Variants in EFNA2 observed in about 807,000 individuals in gnomAD.
EFNA2 encodes ephrin-A2.
EFNA2 carries 18 observed loss-of-function variants against 19.7 expected under a neutral mutation model. The observed-to-expected ratio is 0.91, with a 90% CI of 0.63 to 1.35. The LOEUF (loss-of-function observed/expected upper bound fraction) is 1.35. Ranked by LOEUF, EFNA2 falls within the 40% of genes most tolerant of loss-of-function variation. The pLI, the probability that EFNA2 is intolerant of heterozygous loss-of-function variation, is 0.00. For missense variants in EFNA2, 303 were observed against 296.0 expected, an observed-to-expected ratio of 1.02 and a Z score of -0.17; for synonymous variants, 187 against 137.8, an observed-to-expected ratio of 1.36 and a Z score of -2.50.
chr19:1,295,428 C>G lies in EFNA2; in HGVS notation c.141-117C>G. ...GTGCTCCTGACCCCGGCCCTCGCCG[C>G]GCACCCCGACCCGTCCCTCGTGCTC... On this transcript the variant is annotated intron_variant, in intron 1 of 3. Transcript: ENST00000215368. The surrounding 1 kb of genome is among the most constrained non-coding windows in gnomAD (Gnocchi z 5.8). 8.9e-7 allele frequency: 1 copy of G among 1,118,074 alleles called. No individual in the cohort carries two copies. Among genetic ancestry groups the G allele is most frequent in the South Asian group, 1.8e-5 (1 of 56,612 alleles). The allele number at this position is 1,118,074 out of a possible 1,614,324, so 69.3% of individuals were successfully genotyped here.
rs2081504737 is a variant in EFNA2 at position 1,294,381 on chromosome 19, G to A, written c.141-1164G>A. On this transcript the variant is annotated intron_variant, in intron 1 of 3. Coordinates refer to ENST00000215368, the MANE Select transcript of EFNA2 (RefSeq NM_001405.4). This position sits in a 1 kb window ranked among gnomAD's most constrained non-coding sequence, Gnocchi z 5.8. The stretch of plus-strand genomic sequence containing the variant: ...TCTCTATCCTCACAGACGAGGCTGG[G>A]TCAGGGGGCTCCCTGGAGGAAGGGG... Among the ~76,000 whole-genome samples, 1 of 152,210 alleles carries A rather than the reference G, an allele frequency of 6.6e-6. No individual in the cohort carries two copies. The highest frequency in any genetic ancestry group is 1.5e-5 in the Non-Finnish European group (1 of 68,032).
At chr19:1,289,592 T>C (rs1285249157) in intron 1 of EFNA2, among the ~76,000 whole-genome samples, 1 of 152,134 alleles carries the variant, frequency 6.6e-6, no homozygotes, top group Non-Finnish European at 1.5e-5. Flanking sequence ...ACCTTCTGAT[T>C]GGAAATCTGC....
At chr19:1,290,587 C>T (rs970627877) in intron 1 of EFNA2, among the ~76,000 whole-genome samples, 13 of 152,142 alleles carry the variant, frequency 8.5e-5, no homozygotes, top group African/African-American at 2.9e-4. Context: ...CGGTGGTCTC[C>T]TTGTCATCCA....
rs1568868343 is a variant in EFNA2, at chr19:1,295,954, G to A, written c.454+96G>A. ...GCGGGACCACTGGGGTGGGGCCGGG[G>A]AGTGGGCGGGGCAGCGCAGTGGGCG... On this transcript the variant is annotated intron_variant, in intron 2 of 3. Transcript: ENST00000215368. This position sits in a 1 kb window ranked among gnomAD's most constrained non-coding sequence, Gnocchi z 5.8. The A allele has an allele frequency of 7.6e-6, 8 of 1,051,678 alleles. No homozygotes were observed. Among genetic ancestry groups the A allele is most frequent in the Non-Finnish European group, 1.0e-5 (8 of 782,392 alleles). The allele number at this position is 1,051,678 out of a possible 1,614,324, so 65.1% of individuals were successfully genotyped here. A position where few individuals can be genotyped will look rare whatever the true frequency, so the allele number is the denominator to read the frequency against.
In EFNA2 at chr19:1,301,198, C is replaced by T. The variant is rs2081541667; in HGVS notation, c.*1253C>T. On this transcript the variant is annotated 3_prime_UTR_variant, in exon 4 of 4. Coordinates refer to ENST00000215368, the MANE Select transcript of EFNA2 (RefSeq NM_001405.4). ...ATACGGATTTCATATTTCTACCCGC[C>T]TTTCCTGACTCTGTGTTTTATATAT... Among the ~76,000 whole-genome samples, 1 of 149,338 alleles carries T rather than the reference C, an allele frequency of 6.7e-6. No individual in the cohort carries two copies. The highest frequency in any genetic ancestry group is 2.1e-4 in the South Asian group (1 of 4,798).
chr19:1,299,796 C>CT (rs1478667799), intron 3 of EFNA2, 28 bp from the exon 4 acceptor site: 5 of 1,580,400 alleles, frequency 3.2e-6, no homozygotes, highest in Non-Finnish European at 4.3e-6. Flanking sequence ...CGGGCGGCCG[C>CT]TGAGCGTGCT....
In EFNA2 at chr19:1,294,265, C is replaced by T. The variant is rs1330066668; in HGVS notation, c.141-1280C>T. On this transcript the variant is annotated intron_variant, in intron 1 of 3. Transcript: ENST00000215368. This position sits in a 1 kb window ranked among gnomAD's most constrained non-coding sequence, Gnocchi z 5.8. ...GGCCGCCGGTTACATGACAGGGGCC[C>T]TGGGGACCACAGCCGGGAGATCTAA... 6.6e-6 allele frequency among the ~76,000 whole-genome samples: 1 copy of T among 152,224 alleles called. No individual in the cohort carries two copies. The highest frequency in any genetic ancestry group is 1.5e-5 in the Non-Finnish European group (1 of 68,028).
In EFNA2 at chr19:1,296,245, C is replaced by T. The variant is rs1778163905; in HGVS notation, c.454+387C>T. On this transcript the variant is annotated intron_variant, in intron 2 of 3. Coordinates refer to ENST00000215368, the MANE Select transcript of EFNA2 (RefSeq NM_001405.4). The surrounding 1 kb of genome is among the most constrained non-coding windows in gnomAD (Gnocchi z 4.4). ...GCTGCACTATTGTGATCTCGGGCCT[C>T]CAGCTCAGACCACTTGGTGGTTGGG... Among the ~76,000 whole-genome samples the T allele has an allele frequency of 6.6e-6, 1 of 152,178 alleles. No homozygotes were observed. The highest frequency in any genetic ancestry group is 2.1e-4 in the South Asian group (1 of 4,830).
rs1355972081 is a variant in EFNA2, at chr19:1,299,953, C to T, written c.*8C>T. On this transcript the variant is annotated 3_prime_UTR_variant, in exon 4 of 4. Coordinates refer to ENST00000215368, the MANE Select transcript of EFNA2 (RefSeq NM_001405.4). Reference sequence around the variant, plus strand: ...ACCCTCCTGGGTTCCTAGTCCCAGCCCCGCAGGACGCCGACCCTGCCTGGA... The same window carrying T: ...ACCCTCCTGGGTTCCTAGTCCCAGCTCCGCAGGACGCCGACCCTGCCTGGA... 1.3e-6 allele frequency: 2 copies of T among 1,596,650 alleles called. No individual in the cohort carries two copies. The highest frequency in any genetic ancestry group is 1.1e-5 in the South Asian group (1 of 90,208).
rs2081508754 is a variant in EFNA2 at position 1,295,328 on chromosome 19, C to T, written c.141-217C>T. On this transcript the variant is annotated intron_variant, in intron 1 of 3. Coordinates refer to ENST00000215368, the MANE Select transcript of EFNA2 (RefSeq NM_001405.4). This position sits in a 1 kb window ranked among gnomAD's most constrained non-coding sequence, Gnocchi z 5.8. ...CACCTGTCCCCGGAGCCATCTCTCC[C>T]CGCGCACACTGACCCGTGCCCCATG... 1.3e-5 allele frequency among the ~76,000 whole-genome samples: 2 copies of T among 151,898 alleles called. No homozygotes were observed. The highest frequency in any genetic ancestry group is 6.5e-5 in the Admixed American group (1 of 15,272).
intron 1 of EFNA2, among the ~76,000 whole-genome samples, chr19:1,293,482 C>G (rs2081500711): frequency 6.7e-6 from 1 of 150,020 alleles, no homozygotes; most frequent in South Asian, 2.1e-4. Flanking sequence ...GGACCATCCC[C>G]TTGCACGGAG....
In EFNA2 at chr19:1,295,982, G is replaced by T. The variant is rs910322233; in HGVS notation, c.454+124G>T. ...TGGGCGGGGCAGCGCAGTGGGCGGG[G>T]CCGCGGTGTGGGGCCAGGGGGGAGT... On this transcript the variant is annotated intron_variant, in intron 2 of 3. Transcript: ENST00000215368. The surrounding 1 kb of genome is among the most constrained non-coding windows in gnomAD (Gnocchi z 5.8). 2.9e-5 allele frequency: 20 copies of T among 695,036 alleles called. No homozygotes were observed. In the Admixed American group the frequency reaches 3.3e-4, roughly 11 times the overall value. The allele number at this position is 695,036 out of a possible 1,614,324, so 43.1% of individuals were successfully genotyped here.
intron 1 of EFNA2, among the ~76,000 whole-genome samples, chr19:1,291,181 G>A (rs1302359170): frequency 6.6e-6 from 1 of 152,202 alleles, no homozygotes; most frequent in African/African-American, 2.4e-5. Context: ...GTGGCCGACG[G>A]CAGCTGCACT....
intron 3 of EFNA2, 38 bp from the exon 4 acceptor site, chr19:1,299,786 C>T (rs1459829595): frequency 2.5e-5 from 39 of 1,564,938 alleles, no homozygotes; most frequent in Non-Finnish European, 2.9e-5. Flanking sequence ...CAGTGGGGTT[C>T]GGGCGGCCGC....
At chr19:1,284,749 C>T (rs1031293221), upstream of EFNA2, among the ~76,000 whole-genome samples, 4 of 152,216 alleles carry the variant, frequency 2.6e-5, no homozygotes, top group African/African-American at 9.7e-5. This position sits in a 1 kb window ranked among gnomAD's most constrained non-coding sequence, Gnocchi z 5.3. Flanking sequence ...TGGGTAATGC[C>T]TCACACAGGG....
chr19:1,300,663 G>T lies in EFNA2; in HGVS notation c.*718G>T, dbSNP rs1387903272. 6.6e-6 allele frequency among the ~76,000 whole-genome samples: 1 copy of T among 151,952 alleles called. No homozygotes were observed. The highest frequency in any genetic ancestry group is 2.1e-4 in the South Asian group (1 of 4,826). Reference sequence around the variant, plus strand: ...TACGTGGTGGGCGCCCCTCATTGTGGCTGGGGAGACCTCATACCCCATCGC... The same window carrying T: ...TACGTGGTGGGCGCCCCTCATTGTGTCTGGGGAGACCTCATACCCCATCGC... On this transcript the variant is annotated 3_prime_UTR_variant, in exon 4 of 4. Coordinates refer to ENST00000215368, the MANE Select transcript of EFNA2 (RefSeq NM_001405.4).
chr19:1,285,901 G>C lies in EFNA2; in HGVS notation c.-268G>C, dbSNP rs1199950457. 6.9e-6 allele frequency among the ~76,000 whole-genome samples: 1 copy of C among 145,802 alleles called. No individual in the cohort carries two copies. Among genetic ancestry groups the C allele is most frequent in the Non-Finnish European group, 1.5e-5 (1 of 65,686 alleles). On this transcript the variant is annotated 5_prime_UTR_variant, in exon 1 of 4. Coordinates refer to ENST00000215368, the MANE Select transcript of EFNA2 (RefSeq NM_001405.4). The surrounding 1 kb of genome is among the most constrained non-coding windows in gnomAD (Gnocchi z 4.1). The stretch of plus-strand genomic sequence containing the variant: ...GCCCGGGCCCCTCCCCGGCGGGTGC[G>C]GCGGCGGCGGCCCGCGCTCCGACAG...
In EFNA2 at chr19:1,286,560, C is replaced by T. The variant is rs2081466150; in HGVS notation, c.140+252C>T. ...ACTGTGGGGACTCGCGCCCCACATC[C>T]CCCAGAGCGCCGACGTCTCCTGGAG... On this transcript the variant is annotated intron_variant, in intron 1 of 3. Coordinates refer to ENST00000215368, the MANE Select transcript of EFNA2 (RefSeq NM_001405.4). This position sits in a 1 kb window ranked among gnomAD's most constrained non-coding sequence, Gnocchi z 5.6. 6.6e-6 allele frequency among the ~76,000 whole-genome samples: 1 copy of T among 152,086 alleles called. No individual in the cohort carries two copies. Among genetic ancestry groups the T allele is most frequent in the African/African-American group, 2.4e-5 (1 of 41,442 alleles).
chr19:1,299,489 G>A (rs2144626229), intron 3 of EFNA2, among the ~76,000 whole-genome samples: 1 of 151,988 alleles, frequency 6.6e-6, no homozygotes, highest in African/African-American at 2.4e-5. Context: ...CCGGGAGGCG[G>A]AGGTTGCAGT....
Sources: allele counts gnomAD v4.1 joint callset (sites outside exome capture counted in the v4.1 genomes callset), GRCh38; gene constraint gnomAD v4.1.1; non-coding constraint Gnocchi (gnomAD v3.1); transcripts MANE v1.5; gene names NCBI Gene and HGNC (gene_info 2026-07-23, HGNC 2026-07-21).